The following TBC1D14 variants were observed in gnomAD, a reference collection of about 807,000 sequenced individuals.
TBC1D14 encodes TBC1 domain family, member 14.
Under a neutral mutation model 79.0 loss-of-function variants are expected in TBC1D14, and 26 were observed. That is an observed-to-expected ratio of 0.33 (90% CI 0.24 to 0.46). The LOEUF is 0.46. TBC1D14 is among the 20% of genes least tolerant of loss of function. TBC1D14 has a pLI of 1.00. For synonymous variants in TBC1D14, 394 were observed against 349.9 expected (o/e 1.13, Z -1.40); for missense variants, 769 against 887.6 (o/e 0.87, Z 1.70).
chr4:7,028,051 A>G (rs927221554), intron 13 of TBC1D14, among the ~76,000 whole-genome samples: 7 of 132,820 alleles, frequency 5.3e-5, no homozygotes, highest in Non-Finnish European at 9.5e-5. Flanking sequence ...ACACCTACAC[A>G]TTGCATACCC....
chr4:6,928,911 CTA>C (rs1724496066), intron 2 of TBC1D14, among the ~76,000 whole-genome samples: 1 of 152,146 alleles, frequency 6.6e-6, no homozygotes, highest in African/African-American at 2.4e-5. Context: ...AATGTCTAGT[CTA>C]TGTTTTTATG....
At chr4:7,007,371 C>T (rs1720306520) in intron 9 of TBC1D14, among the ~76,000 whole-genome samples, 1 of 152,170 alleles carries the variant, frequency 6.6e-6, no homozygotes, top group Non-Finnish European at 1.5e-5. Context: ...CTGAGCTGAA[C>T]TCTTTAAAGA....
chr4:7,004,947 C>T (rs377766550), intron 8 of TBC1D14, 23 bp downstream of exon 8: 216 of 1,599,878 alleles, frequency 1.4e-4, no homozygotes, highest in Non-Finnish European at 1.7e-4. Flanking sequence ...CTAAAACCAG[C>T]GGACTGCTGT....
At chr4:6,990,160 C>T (rs978248902) in intron 3 of TBC1D14, among the ~76,000 whole-genome samples, 4 of 152,140 alleles carry the variant, frequency 2.6e-5, no homozygotes, top group Admixed American at 6.6e-5. Context: ...TTCTAAATTC[C>T]TTCTGGGGGC....
At chr4:7,001,088 G>T in intron 6 of TBC1D14, 57 bp from the exon 7 acceptor site, 1 of 1,493,048 alleles carries the variant, frequency 6.7e-7, no homozygotes, top group Non-Finnish European at 9.3e-7. Flanking sequence ...AGGCACGCAG[G>T]TAGACAAATG....
intron 8 of TBC1D14, among the ~76,000 whole-genome samples, chr4:7,006,347 T>A (rs1482378060): frequency 6.6e-6 from 1 of 152,180 alleles, no homozygotes; most frequent in Non-Finnish European, 1.5e-5. Flanking sequence ...TGCTTTCCAC[T>A]GATTGTTATT....
At chr4:6,911,985 A>C (rs1054351017) in intron 1 of TBC1D14, among the ~76,000 whole-genome samples, 2 of 152,180 alleles carry the variant, frequency 1.3e-5, no homozygotes, top group Non-Finnish European at 2.9e-5. Flanking sequence ...GGGTCATGGT[A>C]TATTGTCCAG....
chr4:6,995,046 G>C (rs1370482260), intron 4 of TBC1D14, among the ~76,000 whole-genome samples: 2 of 152,138 alleles, frequency 1.3e-5, no homozygotes, highest in Admixed American at 6.6e-5. Flanking sequence ...TGCAAGTGAT[G>C]GTTGTTTAAA....
intron 13 of TBC1D14, 130 bp downstream of exon 13, chr4:7,025,392 G>A: frequency 7.0e-7 from 1 of 1,424,110 alleles, no homozygotes; most frequent in Non-Finnish European, 9.3e-7. Context: ...GGAACTGAGG[G>A]GGGCCGGGTG....
At position 7,021,906 on chromosome 4, in the gene TBC1D14, AC is replaced by A. The variant is rs568025319; in HGVS notation, c.1758-3096del. 1.1e-3 allele frequency among the ~76,000 whole-genome samples: 175 copies of A among 152,264 alleles called. 1 individual carries two copies. The highest frequency in any genetic ancestry group is 4.0e-3 in the African/African-American group (167 of 41,562). On this transcript the variant is annotated intron_variant, in intron 12 of 13. Transcript: ENST00000409757. ...GGCAGCAGGGGAAGGTGGACCTTGA[AC>A]CAGGAGGGCCGTGTGGACAGTAGCC... is the stretch of plus-strand genomic sequence containing the variant.
chr4:6,978,103 T>G (rs1716967154), intron 3 of TBC1D14, among the ~76,000 whole-genome samples: 1 of 144,232 alleles, frequency 6.9e-6, no homozygotes, highest in South Asian at 2.2e-4. Context: ...AGCCGCCCCA[T>G]CCGGGAGGGA....
At chr4:6,927,744 G>A (rs1175238680) in intron 2 of TBC1D14, among the ~76,000 whole-genome samples, 1 of 152,170 alleles carries the variant, frequency 6.6e-6, no homozygotes, top group Non-Finnish European at 1.5e-5. Flanking sequence ...CCCAAGTTGT[G>A]AGAGCCAAAA....
At chr4:6,910,853 G>A (rs925872776) in intron 1 of TBC1D14, among the ~76,000 whole-genome samples, 1 of 152,178 alleles carries the variant, frequency 6.6e-6, no homozygotes, top group Non-Finnish European at 1.5e-5. Flanking sequence ...TATAGGCACC[G>A]GTGCGTTTTG....
intron 2 of TBC1D14, among the ~76,000 whole-genome samples, chr4:6,936,729 A>G (rs1033379365): frequency 9.2e-5 from 14 of 152,304 alleles, no homozygotes; most frequent in South Asian, 4.1e-4. Context: ...GGGCGATACC[A>G]TTTGACTCCC....
chr4:6,993,600 G>GT (rs1718724229), intron 3 of TBC1D14, among the ~76,000 whole-genome samples: 1 of 152,196 alleles, frequency 6.6e-6, no homozygotes, highest in African/African-American at 2.4e-5. Context: ...CTGAGGCAGC[G>GT]TTTGAGGGCC....
intron 3 of TBC1D14, among the ~76,000 whole-genome samples, chr4:6,972,588 A>G (rs1417363441): frequency 6.6e-6 from 1 of 152,080 alleles, no homozygotes; most frequent in South Asian, 2.1e-4. Flanking sequence ...AGCTTGTCCA[A>G]CCCGCCTTAG....
chr4:7,015,479 G>A (rs1477848216), intron 12 of TBC1D14, among the ~76,000 whole-genome samples: 1 of 152,136 alleles, frequency 6.6e-6, no homozygotes, highest in Admixed American at 6.5e-5. Flanking sequence ...AGGTGCCTGC[G>A]GGACATGTGA....
At chr4:6,996,591 G>C (rs1719070084) in intron 5 of TBC1D14, among the ~76,000 whole-genome samples, 184 bp downstream of exon 5, 1 of 152,296 alleles carries the variant, frequency 6.6e-6, no homozygotes, top group South Asian at 2.1e-4. Context: ...CAGGGCTGCA[G>C]GGTGGCGTGG....
At chr4:6,944,311 T>TCGC (rs1713216067) in intron 2 of TBC1D14, among the ~76,000 whole-genome samples, 1 of 152,026 alleles carries the variant, frequency 6.6e-6, no homozygotes, top group African/African-American at 2.4e-5. Context: ...CTTATTAATG[T>TCGC]CTTTGTAGGA....
Sources: gnomAD v4.1 joint callset for allele counts (sites outside exome capture counted in the v4.1 genomes callset) on GRCh38, gnomAD v4.1.1 for gene constraint, MANE v1.5 for transcripts, NCBI Gene and HGNC (gene_info 2026-07-23, HGNC 2026-07-21) for gene names.